The following PFKP variants were observed in gnomAD, a reference collection of about 807,000 sequenced individuals.
PFKP encodes the protein ATP-dependent 6-phosphofructokinase, platelet type.
PFKP carries 101 observed loss-of-function variants against 94.3 expected under a neutral mutation model. The ratio of observed to expected loss-of-function variants is 1.07; its 90% CI spans 0.91 to 1.26. PFKP has a LOEUF of 1.26. Ranked by LOEUF, PFKP falls within the 50% of genes most tolerant of loss-of-function variation. The pLI, the probability that PFKP is intolerant of heterozygous loss-of-function variation, is 0.00. For missense variants in PFKP, 1,145 were observed against 1,103.3 expected (o/e 1.04, Z -0.53); for synonymous variants, 573 against 432.6 (o/e 1.32, Z -4.03).
At chr10:3,126,546 C>G (rs941322506) in intron 16 of PFKP, among the ~76,000 whole-genome samples, 1 of 152,236 alleles carries the variant, frequency 6.6e-6, no homozygotes, top group African/African-American at 2.4e-5. Context: ...CATGCTGTAG[C>G]AGGGACAGGA....
intron 12 of PFKP, 68 bp from the exon 13 acceptor site, chr10:3,113,304 C>G (rs939730600): frequency 1.3e-6 from 2 of 1,577,676 alleles, no homozygotes; most frequent in Non-Finnish European, 1.7e-6. Flanking sequence ...GAGCCACTGC[C>G]AAAGTGTGCA....
intron 18 of PFKP, 43 bp downstream of exon 18, chr10:3,132,484 C>A: frequency 7.4e-7 from 1 of 1,350,442 alleles, no homozygotes; most frequent in Non-Finnish European, 1.1e-6. Context: ...CTCACCGCCA[C>A]ACCCTGGTTC....
At chr10:3,069,645 GGCCGAGGCAGGAGGCTCGCTTGA>G (rs1296414493) in intron 1 of PFKP, among the ~76,000 whole-genome samples, 1 of 152,176 alleles carries the variant, frequency 6.6e-6, no homozygotes, top group African/African-American at 2.4e-5. Context: ...TGCTTTGGGA[GGCCGAGGCAGGAGGCTCGCTTGA>G]GCCGAGGAGT....
intron 16 of PFKP, among the ~76,000 whole-genome samples, chr10:3,128,322 T>A (rs181305699): frequency 6.6e-6 from 1 of 152,138 alleles, no homozygotes; most frequent in Non-Finnish European, 1.5e-5. Context: ...ATAATTTCTG[T>A]GAAGAGAGGA....
At chr10:3,123,423 T>C (rs1416232108) in intron 16 of PFKP, among the ~76,000 whole-genome samples, 1 of 152,114 alleles carries the variant, frequency 6.6e-6, no homozygotes, top group Non-Finnish European at 1.5e-5. Context: ...TTTTGGAGAC[T>C]GAAGGAAGGA....
At chr10:3,135,321 G>A (rs1042340297) in intron 20 of PFKP, among the ~76,000 whole-genome samples, 5 of 152,272 alleles carry the variant, frequency 3.3e-5, no homozygotes, top group Non-Finnish European at 7.3e-5. Flanking sequence ...TAGTTTCAAT[G>A]GGTTTGTCTT....
chr10:3,116,771 A>G lies in PFKP; in HGVS notation c.1372-5A>G. On this transcript the variant is annotated splice_region_variant and splice_polypyrimidine_tract_variant and intron_variant, in intron 13 of 21. Coordinates refer to ENST00000381125, the MANE Select transcript of PFKP (RefSeq NM_002627.5). Reference sequence around the variant, plus strand: ...TAGCTGTTTCGTTCTGTGTTTGCACATTAGATCAAAGAAATCGGCTGGACA... The same window carrying G: ...TAGCTGTTTCGTTCTGTGTTTGCACGTTAGATCAAAGAAATCGGCTGGACA... 1.2e-6 allele frequency: 2 copies of G among 1,612,010 alleles called. No homozygotes were observed. The highest frequency in any genetic ancestry group is 8.5e-7 in the Non-Finnish European group (1 of 1,178,024).
At chr10:3,116,870 T>C in intron 14 of PFKP, 24 bp downstream of exon 14, 11 of 1,530,192 alleles carry the variant, frequency 7.2e-6, no homozygotes, top group Non-Finnish European at 1.0e-5. Context: ...CTCAACTCTA[T>C]GACCTGCTTT....
intron 5 of PFKP, among the ~76,000 whole-genome samples, chr10:3,104,458 A>G (rs1359004298): frequency 6.6e-6 from 1 of 152,238 alleles, no homozygotes; most frequent in Non-Finnish European, 1.5e-5. Context: ...GGTAAATAGA[A>G]TAAGTGTCTC....
chr10:3,119,508 G>C (rs909484393), intron 15 of PFKP, among the ~76,000 whole-genome samples: 5 of 152,138 alleles, frequency 3.3e-5, no homozygotes, highest in Non-Finnish European at 5.9e-5. Context: ...GGGAGGCTGA[G>C]GCAGGAGAAT....
chr10:3,126,547 A>C (rs540234397), intron 16 of PFKP, among the ~76,000 whole-genome samples: 1 of 152,304 alleles, frequency 6.6e-6, no homozygotes, highest in South Asian at 2.1e-4. Flanking sequence ...ATGCTGTAGC[A>C]GGGACAGGAC....
chr10:3,100,913 A>G (rs1834937303), intron 3 of PFKP: 2 of 1,553,266 alleles, frequency 1.3e-6, no homozygotes, highest in Non-Finnish European at 1.8e-6. Flanking sequence ...TGCTGGTTTT[A>G]CTTGCAGGTG....
At chr10:3,128,503 A>ATT (rs1838196997) in intron 16 of PFKP, among the ~76,000 whole-genome samples, 1 of 85,540 alleles carries the variant, frequency 1.2e-5, no homozygotes, top group Admixed American at 1.0e-4. Flanking sequence ...GGAAAATAAT[A>ATT]CTCTCTCCCA....
intron 16 of PFKP, 48 bp from the exon 17 acceptor site, chr10:3,129,771 C>A: frequency 6.3e-7 from 1 of 1,597,740 alleles, no homozygotes; most frequent in South Asian, 1.1e-5. Context: ...GGATGGTGGG[C>A]GCGCCCCGGG....
intron 1 of PFKP, among the ~76,000 whole-genome samples, chr10:3,069,912 A>G (rs946202358): frequency 4.6e-5 from 7 of 152,214 alleles, no homozygotes; most frequent in Non-Finnish European, 1.0e-4. Context: ...GAGGAGTTAG[A>G]CATATTGAAG....
intron 2 of PFKP, among the ~76,000 whole-genome samples, chr10:3,085,924 T>A (rs1408557239): frequency 6.8e-6 from 1 of 146,084 alleles, no homozygotes; most frequent in Non-Finnish European, 1.5e-5. Flanking sequence ...CAGCTTAGTT[T>A]CCGCTGCTGC....
intron 2 of PFKP, among the ~76,000 whole-genome samples, chr10:3,088,609 G>C (rs1833813587): frequency 6.6e-6 from 1 of 152,140 alleles, no homozygotes; most frequent in Non-Finnish European, 1.5e-5. Context: ...CAGAGTATGG[G>C]TGCAGTAACA....
chr10:3,112,652 T>C (rs1377741481), intron 11 of PFKP, among the ~76,000 whole-genome samples: 2 of 152,188 alleles, frequency 1.3e-5, no homozygotes, highest in African/African-American at 2.4e-5. Context: ...CTGCCTCCCA[T>C]GTTCAAGCAA....
intron 8 of PFKP, 68 bp from the exon 9 acceptor site, chr10:3,108,633 C>T: frequency 1.7e-6 from 2 of 1,163,528 alleles, no homozygotes; most frequent in South Asian, 1.2e-5. Flanking sequence ...TGCCCAGTAC[C>T]TCCTTCCAGA....
Sources: gnomAD v4.1 joint callset for allele counts (sites outside exome capture counted in the v4.1 genomes callset) on GRCh38, gnomAD v4.1.1 for gene constraint, MANE v1.5 for transcripts, NCBI Gene and HGNC (gene_info 2026-07-23, HGNC 2026-07-21) for gene names.